The following DNAH9 variants were observed in gnomAD, a reference collection of about 807,000 sequenced individuals.
DNAH9 encodes the protein dynein axonemal heavy chain 9.
A neutral mutation model predicts 471.6 loss-of-function variants in DNAH9; 345 were observed. The ratio of observed to expected loss-of-function variants is 0.73; its 90% confidence interval spans 0.67 to 0.80. The LOEUF is 0.80. Ranked by LOEUF, DNAH9 falls within the 30% of genes least tolerant of loss-of-function variation. DNAH9 has a pLI of 0.00. For synonymous variants in DNAH9, 2,093 were observed against 2,123.6 expected (o/e 0.99, Z 0.40); for missense variants, 5,407 against 5,609.2 (o/e 0.96, Z 1.15).
chr17:11,748,662 G>C (rs989178608), intron 32 of DNAH9, among the ~76,000 whole-genome samples: 1 of 152,138 alleles, frequency 6.6e-6, no homozygotes, highest in Admixed American at 6.5e-5. Context: ...CCCCAACCCT[G>C]GGTGCTGATC....
intron 16 of DNAH9, 39 bp from the exon 17 acceptor site, chr17:11,669,331 C>T (rs2073936471): frequency 6.3e-7 from 1 of 1,597,892 alleles, no homozygotes; most frequent in African/African-American, 1.3e-5. Context: ...TCCTGCCACA[C>T]ACTGGTGTAA....
At chr17:11,886,506 CT>C (rs55645155) in intron 56 of DNAH9, among the ~76,000 whole-genome samples, 20,149 of 127,136 alleles carry the variant, frequency 0.16, 1,302 homozygotes, top group East Asian at 0.3. Flanking sequence ...TTGAGTCATA[CT>C]TTTTTTTTTT....
chr17:11,825,173 C>A (rs147107406), intron 48 of DNAH9, among the ~76,000 whole-genome samples: 106 of 152,262 alleles, frequency 7.0e-4, no homozygotes, highest in Non-Finnish European at 8.4e-4. Context: ...TAGGAGTTTA[C>A]CTTTGCTATA....
intron 61 of DNAH9, among the ~76,000 whole-genome samples, chr17:11,920,382 A>C (rs183883648): frequency 1.6e-4 from 24 of 151,664 alleles, no homozygotes; most frequent in Admixed American, 8.5e-4. Flanking sequence ...GCACTTTGGG[A>C]GGCCGAGGTG....
At chr17:11,919,388 G>A (rs943245495) in intron 61 of DNAH9, among the ~76,000 whole-genome samples, 11 of 151,052 alleles carry the variant, frequency 7.3e-5, no homozygotes, top group Non-Finnish European at 1.5e-4. Context: ...CCAGCTACTC[G>A]GGAGGCTGAG....
chr17:11,727,121 C>G (rs2150813483), intron 27 of DNAH9, among the ~76,000 whole-genome samples: 1 of 150,252 alleles, frequency 6.7e-6, no homozygotes, highest in East Asian at 2.0e-4. Flanking sequence ...TTTGCATTTC[C>G]CTGGCATTTT....
intron 52 of DNAH9, 139 bp from the exon 53 acceptor site, chr17:11,874,810 A>G: frequency 1.5e-6 from 1 of 656,414 alleles, no homozygotes; most frequent in African/African-American, 1.8e-5. Flanking sequence ...AAATAATCAC[A>G]CAGCCAGAAA....
intron 39 of DNAH9, among the ~76,000 whole-genome samples, chr17:11,781,619 G>T (rs1002386192): frequency 2.6e-5 from 4 of 151,962 alleles, no homozygotes; most frequent in African/African-American, 9.7e-5. Context: ...GGATCACAAG[G>T]TCAGGAGTTC....
At chr17:11,700,977 C>G in intron 23 of DNAH9, 145 bp from the exon 24 acceptor site, 1 of 779,194 alleles carries the variant, frequency 1.3e-6, no homozygotes, top group Non-Finnish European at 2.1e-6. Context: ...CAGCACATCT[C>G]TCTGCACCTT....
intron 14 of DNAH9, among the ~76,000 whole-genome samples, chr17:11,664,074 A>G (rs890661143): frequency 2.6e-5 from 4 of 152,180 alleles, no homozygotes; most frequent in Non-Finnish European, 5.9e-5. Flanking sequence ...TTTTCTGAAG[A>G]TATTAGATAA....
chr17:11,636,930 A>G, intron 9 of DNAH9, 146 bp downstream of exon 9: 1 of 742,192 alleles, frequency 1.3e-6, no homozygotes, highest in Non-Finnish European at 2.2e-6. Flanking sequence ...GAAATTCCAG[A>G]CCACCTTGGG....
chr17:11,849,236 C>G (rs906499432), intron 49 of DNAH9, among the ~76,000 whole-genome samples: 1 of 152,122 alleles, frequency 6.6e-6, no homozygotes, highest in Non-Finnish European at 1.5e-5. Flanking sequence ...AAGCCTGGAC[C>G]AAGCCACCTT....
At chr17:11,812,771 AT>A (rs1969972421) in intron 45 of DNAH9, among the ~76,000 whole-genome samples, 1 of 151,892 alleles carries the variant, frequency 6.6e-6, no homozygotes, top group Non-Finnish European at 1.5e-5. Flanking sequence ...CAATGCCACA[AT>A]TTTTTCCTTT....
At chr17:11,796,290 TC>T (rs570920855) in intron 42 of DNAH9, among the ~76,000 whole-genome samples, 35 of 152,270 alleles carry the variant, frequency 2.3e-4, no homozygotes, top group Admixed American at 5.9e-4. Flanking sequence ...TCATGTGTTT[TC>T]CTAATAGCAA....
intron 38 of DNAH9, among the ~76,000 whole-genome samples, chr17:11,770,840 C>G (rs1184823105): frequency 1.3e-5 from 2 of 152,144 alleles, no homozygotes; most frequent in Admixed American, 1.3e-4. Context: ...TTTCACAAGT[C>G]TACAAAACAA....
chr17:11,803,376 A>AG (rs891108981), intron 43 of DNAH9, among the ~76,000 whole-genome samples: 2 of 140,930 alleles, frequency 1.4e-5, no homozygotes, highest in Non-Finnish European at 3.2e-5. Context: ...CCCATTCTCT[A>AG]GGGGTGTGTG....
chr17:11,768,743 T>C, intron 37 of DNAH9, 117 bp downstream of exon 37: 1 of 1,266,228 alleles, frequency 7.9e-7, no homozygotes, highest in Non-Finnish European at 1.1e-6. Context: ...GAACTAGTCA[T>C]CCCCAGCTCC....
intron 9 of DNAH9, among the ~76,000 whole-genome samples, chr17:11,637,277 T>C (rs2073182937): frequency 6.6e-6 from 1 of 152,188 alleles, no homozygotes; most frequent in African/African-American, 2.4e-5. Flanking sequence ...TCAAAACAAA[T>C]GCATTTCAGT....
chr17:11,902,987 G>T (rs1973464506), intron 60 of DNAH9, 75 bp downstream of exon 60: 1 of 1,493,736 alleles, frequency 6.7e-7, no homozygotes, highest in Non-Finnish European at 9.0e-7. Context: ...GACCAGCAGG[G>T]CTGAGCTCCA....
Sources: allele counts gnomAD v4.1 joint callset (sites outside exome capture counted in the v4.1 genomes callset), GRCh38; gene constraint gnomAD v4.1.1; transcripts MANE v1.5; gene names NCBI Gene and HGNC (gene_info 2026-07-23, HGNC 2026-07-21).